TTN: variants seen among roughly 807,000 people sequenced by gnomAD.
TTN encodes titin, also known as connectin.
TTN carries 1,525 observed loss-of-function variants against 3,223.0 expected under a neutral mutation model. That is an observed-to-expected ratio of 0.47 (90% confidence interval 0.45 to 0.49). The LOEUF is 0.49. Among genes scored for constraint, TTN ranks in the 20% least tolerant of loss-of-function variants. The pLI is 0.00. For missense variants in TTN, 40,786 were observed against 43,424.0 expected, an observed-to-expected ratio of 0.94 and a Z score of 5.40; for synonymous variants, 14,094 against 15,161.0, an observed-to-expected ratio of 0.93 and a Z score of 5.17.
rs548543520 is a variant in TTN at position 178,722,678 on chromosome 2, C to A, written c.22221G>T (p.Lys7407Asn). Residue 7407 changes from lysine to asparagine, a missense_variant, in exon 76 of 363, where the codon AAG (lysine) becomes AAT (asparagine). Coordinates refer to ENST00000589042, the MANE Select transcript of TTN (RefSeq NM_001267550.2). ...CATCACCTTGAATTCTGAACACAGT[C>A]TTAGAAGAAGCAGTTCCTATACTAT... is the stretch of plus-strand genomic sequence containing the variant. ...AENSIGTASS[K>N]TVFRIQERQL... is the part of the protein sequence containing the mutation. The A allele has an allele frequency of 2.5e-6, 4 of 1,612,294 alleles. No homozygotes were observed. In the South Asian group the frequency reaches 4.4e-5, roughly 18 times the overall value.
Position 178,734,400 on chromosome 2 carries a change from C to T in TTN, c.15424G>A (p.Val5142Ile). ...LEIFSFNSAD[V>I]GEYECVVANE... Reference sequence around the variant, plus strand: ...GCAACAACACATTCATATTCACCAACATCTGCACTATTAAACGAAAAGATC... The same window carrying T: ...GCAACAACACATTCATATTCACCAATATCTGCACTATTAAACGAAAAGATC... The change falls in exon 52 of 363, where the codon GTT becomes ATT. Residue 5142 changes from valine to isoleucine, a missense_variant. By Grantham distance (29) the Val-to-Ile change is conservative. Coordinates refer to ENST00000589042, the MANE Select transcript of TTN (RefSeq NM_001267550.2). 1.2e-6 allele frequency: 2 copies of T among 1,613,634 alleles called. No individual in the cohort carries two copies. Among genetic ancestry groups the T allele is most frequent in the African/African-American group, 1.3e-5 (1 of 75,034 alleles).
chr2:178,777,733 G>C lies in TTN; in HGVS notation c.4451C>G (p.Pro1484Arg). The stretch of plus-strand genomic sequence containing the variant: ...ATGAAACCAGAACGTCTCTGGCATA[G>C]GTCTACCAACAACCTTTAAGTCAAA... The part of the protein sequence containing the change: ...ARFDLKVVGR[P>R]MPETFWFHDG... The change falls in exon 25 of 363, where the codon CCT (proline) becomes CGT (arginine). Residue 1484 changes from proline (P) to arginine (R), a missense_variant. Pro to Arg is a moderately radical substitution (Grantham distance 103). Transcript: ENST00000589042. 1 of 1,614,022 alleles carries C rather than the reference G, an allele frequency of 6.2e-7. No individual in the cohort carries two copies. The highest frequency in any genetic ancestry group is 1.3e-5 in the African/African-American group (1 of 75,026).
rs535734890 is a variant in TTN, at chr2:178,630,882, T to C, written c.44076A>G (p.Ala14692=). 2 of 1,613,318 alleles carry C rather than the reference T, an allele frequency of 1.2e-6. No individual in the cohort carries two copies. Among genetic ancestry groups the C allele is most frequent in the African/African-American group, 2.7e-5 (2 of 75,016 alleles). ...CTTCAGAGATTTCGGTTTCAAAGCGTGCTGTCTCAGTCTCCATCACCTCCA... is the reference window on the plus strand; with the variant it reads ...CTTCAGAGATTTCGGTTTCAAAGCGCGCTGTCTCAGTCTCCATCACCTCCA... ...HSVEVMETET[A]RFETEISEDD... The change falls in exon 238 of 363, where the codon GCA becomes GCG. Residue 14692 remains alanine (A), a synonymous_variant. Coordinates refer to ENST00000589042, the MANE Select transcript of TTN (RefSeq NM_001267550.2).
rs572339518 is a variant in TTN, at chr2:178,779,135, G to C, written c.3964-17C>G. ...CCAAGCAATCTGCAAAGAATACCAT[G>C]CATGTATGAATAAAATTTACATCAA... On this transcript the variant is annotated splice_polypyrimidine_tract_variant and intron_variant, in intron 23 of 362. Transcript: ENST00000589042. 6.2e-7 allele frequency: 1 copy of C among 1,613,368 alleles called. No individual in the cohort carries two copies. The highest frequency in any genetic ancestry group is 1.7e-5 in the Admixed American group (1 of 59,978).
chr2:178,572,825 T>C lies in TTN; in HGVS notation c.73307A>G (p.Lys24436Arg). The C allele has an allele frequency of 6.2e-7, 1 of 1,613,352 alleles. No homozygotes were observed. The highest frequency in any genetic ancestry group is 8.5e-7 in the Non-Finnish European group (1 of 1,179,554). ...GCAGCAGGCCCTTATAGTAACAACT[T>C]TGCGCAGGTCAGCATCCAGTTCAAT... ...PEIELDADLR[K>R]VVTIRACCTL... is the part of the protein sequence containing the mutation. Residue 24436 changes from lysine (K) to arginine (R), a missense_variant, in exon 326 of 363, where the codon AAA (lysine) becomes AGA (arginine). Coordinates refer to ENST00000589042, the MANE Select transcript of TTN (RefSeq NM_001267550.2).
chr2:178,772,896 G>T (rs2091731843), intron 33 of TTN: 4 of 609,440 alleles, frequency 6.6e-6, no homozygotes, highest in Non-Finnish European at 1.1e-5. Context: ...ATTAAGGAAG[G>T]TTTAATGGAG....
rs1385301438 is a variant in TTN at position 178,565,434 on chromosome 2, CTATTTT to C, written c.80692_80697del (p.Lys26898_Ile26899del). On this transcript the variant is annotated inframe_deletion, in exon 326 of 363. Transcript: ENST00000589042. ...CTTGGTCGGCCTATAACTGGAATTT[CTATTTT>C]AAGATCTTCTCCAGCTTGGATACTA... The C allele has an allele frequency of 3.1e-6, 5 of 1,613,380 alleles. No individual in the cohort carries two copies. Among genetic ancestry groups the C allele is most frequent in the Non-Finnish European group, 4.2e-6 (5 of 1,179,632 alleles).
At chr2:178,709,508 G>T (rs773580531) in intron 99 of TTN, 58 bp downstream of exon 99, 227 of 1,520,708 alleles carry the variant, frequency 1.5e-4, no homozygotes, top group Non-Finnish European at 2.0e-4. Flanking sequence ...AATGCTCATG[G>T]ATATATAACA....
chr2:178,634,166 A>T lies in TTN; in HGVS notation c.42416-83T>A. The stretch of plus-strand genomic sequence containing the variant: ...ATTCTAATCTGCCTGAGTAAAAGGG[A>T]CCCATTTCACATGGCACTTATTTAT... On this transcript the variant is annotated intron_variant, in intron 230 of 362. Coordinates refer to ENST00000589042, the MANE Select transcript of TTN (RefSeq NM_001267550.2). The surrounding 1 kb of genome is among the most constrained non-coding windows in gnomAD (Gnocchi z 4.6). 5.2e-6 allele frequency: 8 copies of T among 1,551,046 alleles called. No homozygotes were observed. The highest frequency in any genetic ancestry group is 6.9e-6 in the Non-Finnish European group (8 of 1,153,792).
chr2:178,675,379 G>A, intron 149 of TTN: 1 of 380,256 alleles, frequency 2.6e-6, no homozygotes. Flanking sequence ...TTTGTAGGAA[G>A]AAATGGGTAT....
rs781211212 is a variant in TTN at position 178,547,040 on chromosome 2, G to A, written c.94485C>T (p.Ser31495=). ...ALNAAGVSKA[S]EASRPIMAQN... is the part of the protein sequence containing the mutation. Reference sequence around the variant, plus strand: ...GAGCCATTATAGGTCTTGAAGCTTCGCTGGCCTTGCTAACACCTGCAGCAT... The same window carrying A: ...GAGCCATTATAGGTCTTGAAGCTTCACTGGCCTTGCTAACACCTGCAGCAT... Residue 31495 remains serine (S), a synonymous_variant, in exon 340 of 363, where the codon AGC becomes AGT. Transcript: ENST00000589042. The A allele has an allele frequency of 6.8e-6, 11 of 1,613,216 alleles. No individual in the cohort carries two copies. The highest frequency in any genetic ancestry group is 1.1e-5 in the South Asian group (1 of 91,052).
rs376029089 is a variant in TTN at position 178,758,999 on chromosome 2, T to G, written c.10288A>C (p.Asn3430His). The G allele has an allele frequency of 4.1e-5, 66 of 1,613,928 alleles. No individual in the cohort carries two copies. Among genetic ancestry groups the G allele is most frequent in the Non-Finnish European group, 5.5e-5 (65 of 1,179,940 alleles). Reference sequence around the variant, plus strand: ...TTTACTTTACCTTCCAGACTCAGGTTGGCTGTGCTTGATACTTGGCCTACA... The same window carrying G: ...TTTACTTTACCTTCCAGACTCAGGTGGGCTGTGCTTGATACTTGGCCTACA... ...NAVGQVSSTA[N>H]LSLEGFSKFE... Residue 3430 changes from asparagine to histidine, a missense_variant, in exon 44 of 363, where the codon AAC becomes CAC. Coordinates refer to ENST00000589042, the MANE Select transcript of TTN (RefSeq NM_001267550.2).
At position 178,715,723 on chromosome 2, in the gene TTN, T is replaced by C. The variant is rs770623711; in HGVS notation, c.25691A>G (p.Asp8564Gly). 3 of 1,600,782 alleles carry C rather than the reference T, an allele frequency of 1.9e-6. No homozygotes were observed. Among genetic ancestry groups the C allele is most frequent in the Non-Finnish European group, 2.6e-6 (3 of 1,172,656 alleles). The change falls in exon 89 of 363, where the codon GAT (aspartate) becomes GGT (glycine). Residue 8564 changes from aspartate to glycine, a missense_variant. By Grantham distance (94) the Asp-to-Gly change is moderately conservative. Transcript: ENST00000589042. ...TTTGCATTCATACCTTGTGAATTCA[T>C]CCTGTTTCACAATTCTTGAAGGTTC... Reference protein sequence around the residue: ...KLEPSRIVKQDEFTRYECKIG... With the variant: ...KLEPSRIVKQGEFTRYECKIG...
In TTN at chr2:178,707,813, T is replaced by G. The variant is rs200856239; in HGVS notation, c.28754A>C (p.Glu9585Ala). Residue 9585 changes from glutamate to alanine, a missense_variant and splice_region_variant, in exon 100 of 363, where the codon GAA (glutamate) becomes GCA (alanine). Glu to Ala is a moderately radical substitution (Grantham distance 107). Transcript: ENST00000589042. ...ALCTSSIVIK[E>A]PKKPPVFDQH... ...ATCAAATACAGGTGGCTTCTTAGGTTCTGGAATTGAAAAGGTATTTTCATG... is the reference window on the plus strand; with the variant it reads ...ATCAAATACAGGTGGCTTCTTAGGTGCTGGAATTGAAAAGGTATTTTCATG... 8.3e-6 allele frequency: 13 copies of G among 1,575,204 alleles called. No individual in the cohort carries two copies. The African/African-American group carries it at 1.8e-4, about 21-fold the overall frequency.
Position 178,712,051 on chromosome 2 carries a change from G to A in TTN, c.27779C>T (p.Ala9260Val). Residue 9260 changes from alanine (A) to valine (V), a missense_variant, in exon 96 of 363, where the codon GCT becomes GTT. Physicochemically the swap from Ala to Val is moderately conservative, Grantham distance 64. Coordinates refer to ENST00000589042, the MANE Select transcript of TTN (RefSeq NM_001267550.2). Reference protein sequence around the residue: ...TYKMHFRNNVATLVFNQVDIN... With the variant: ...TYKMHFRNNVVTLVFNQVDIN... ...ATCAACCTGGTTGAAAACCAGTGTAGCAACATTATTCCTAAAATGCATTTT... is the reference window on the plus strand; with the variant it reads ...ATCAACCTGGTTGAAAACCAGTGTAACAACATTATTCCTAAAATGCATTTT... The A allele has an allele frequency of 6.2e-7, 1 of 1,613,778 alleles. No homozygotes were observed. Among genetic ancestry groups the A allele is most frequent in the Middle Eastern group, 1.7e-4 (1 of 6,060 alleles).
chr2:178,551,560 A>G lies in TTN; in HGVS notation c.91270+70T>C, dbSNP rs1699454923. 3.3e-5 allele frequency: 42 copies of G among 1,291,410 alleles called. 1 individual carries two copies. The South Asian group carries it at 6.4e-4, about 20-fold the overall frequency. The allele number at this position is 1,291,410 out of a possible 1,614,324, so 80.0% of individuals were successfully genotyped here. A position where few individuals can be genotyped will look rare whatever the true frequency, so the allele number is the denominator to read the frequency against. On this transcript the variant is annotated intron_variant, in intron 335 of 362. Transcript: ENST00000589042. ...AGAAGGTGATGCAGAGAAGAAAAGCATTCCTTGATATATTTGTTTCTAATA... is the reference window on the plus strand; with the variant it reads ...AGAAGGTGATGCAGAGAAGAAAAGCGTTCCTTGATATATTTGTTTCTAATA...
In TTN at chr2:178,611,284, A is replaced by G. The variant is rs1371976980; in HGVS notation, c.50858-13T>C. The G allele has an allele frequency of 6.2e-7, 1 of 1,611,120 alleles. No individual in the cohort carries two copies. Among genetic ancestry groups the G allele is most frequent in the South Asian group, 1.1e-5 (1 of 90,658 alleles). ...ATTGTTGGCTTGCCTGTAAGATATCATTCAAAAGAGCAAAAAACAGAGTAT... is the reference window on the plus strand; with the variant it reads ...ATTGTTGGCTTGCCTGTAAGATATCGTTCAAAAGAGCAAAAAACAGAGTAT... On this transcript the variant is annotated splice_polypyrimidine_tract_variant and intron_variant, in intron 269 of 362. Coordinates refer to ENST00000589042, the MANE Select transcript of TTN (RefSeq NM_001267550.2).
rs536808297 is a variant in TTN, at chr2:178,632,939, C to T, written c.43192G>A (p.Ala14398Thr). 3 of 1,612,756 alleles carry T rather than the reference C, an allele frequency of 1.9e-6. No individual in the cohort carries two copies. The highest frequency in any genetic ancestry group is 2.7e-5 in the African/African-American group (2 of 74,962). ...ATACCTTTCACTTTCAGATTGGCTG[C>T]AGATTTGGCATTAGCAGCCTGGAAG... is the stretch of plus-strand genomic sequence containing the variant. The part of the protein sequence containing the change: ...VSFQAANAKS[A>T]ANLKVKELPL... Residue 14398 changes from alanine (A) to threonine (T), a missense_variant, in exon 234 of 363, where the codon GCA becomes ACA. Coordinates refer to ENST00000589042, the MANE Select transcript of TTN (RefSeq NM_001267550.2).
At chr2:178,529,601 T>C (rs939078610) in intron 359 of TTN, among the ~76,000 whole-genome samples, 3 of 152,258 alleles carry the variant, frequency 2.0e-5, no homozygotes, top group African/African-American at 7.2e-5. Flanking sequence ...AATAGTTCTT[T>C]AATTAACTTT....
Sources: gnomAD v4.1 joint callset for allele counts (sites outside exome capture counted in the v4.1 genomes callset) on GRCh38, gnomAD v4.1.1 for gene constraint, Gnocchi (gnomAD v3.1) non-coding constraint, MANE v1.5 for transcripts, NCBI Gene and HGNC (gene_info 2026-07-23, HGNC 2026-07-21) for gene names.